RUNX1: variants seen among roughly 807,000 people sequenced by gnomAD.
The protein encoded by RUNX1 is RUNX family transcription factor 1.
A neutral mutation model predicts 42.8 loss-of-function variants in RUNX1; 19 were observed. That is an observed-to-expected ratio of 0.44 (90% CI 0.31 to 0.65). The LOEUF is 0.65. RUNX1 is among the 30% of genes least tolerant of loss of function. The pLI, the probability that RUNX1 is intolerant of heterozygous loss-of-function variation, is 0.07. For missense variants in RUNX1, 528 were observed against 672.0 expected, an observed-to-expected ratio of 0.79 and a Z score of 2.37; for synonymous variants, 271 against 289.4, an observed-to-expected ratio of 0.94 and a Z score of 0.64.
intron 2 of RUNX1, among the ~76,000 whole-genome samples, chr21:34,960,765 G>C (rs375280250): frequency 6.6e-6 from 1 of 152,158 alleles, no homozygotes; most frequent in East Asian, 1.9e-4. Flanking sequence ...TGTGACCGAT[G>C]AACAAACTCT....
At chr21:34,910,438 A>T (rs902712838) in intron 2 of RUNX1, among the ~76,000 whole-genome samples, 3 of 151,198 alleles carry the variant, frequency 2.0e-5, no homozygotes, top group African/African-American at 7.3e-5. Flanking sequence ...TAAGAAACAA[A>T]TGAACTGTCT....
chr21:34,930,723 A>T (rs532845689), intron 2 of RUNX1, among the ~76,000 whole-genome samples: 2,697 of 128,900 alleles, frequency 0.021, 74 homozygotes, highest in African/African-American at 0.098. Context: ...TCTCTCTCAC[A>T]CACACACACA....
At chr21:34,917,971 A>G (rs942211698) in intron 2 of RUNX1, among the ~76,000 whole-genome samples, 1 of 152,026 alleles carries the variant, frequency 6.6e-6, no homozygotes, top group African/African-American at 2.4e-5. Context: ...TCTACTAAAA[A>G]TACAAAAATT....
At position 35,049,129 on chromosome 21, in the gene RUNX1, A is replaced by AT. The variant is rs2059421508; in HGVS notation, c.-60+38_-60+39insA. 1.4e-5 allele frequency: 7 copies of AT among 508,922 alleles called. No homozygotes were observed. In the Admixed American group the frequency reaches 2.3e-4, roughly 17 times the overall value. The allele number at this position is 508,922 out of a possible 1,614,324, so 31.5% of individuals were successfully genotyped here. On this transcript the variant is annotated intron_variant, in intron 1 of 8. Coordinates refer to ENST00000675419, the MANE Select transcript of RUNX1 (RefSeq NM_001754.5). The stretch of plus-strand genomic sequence containing the variant: ...TTGTTAAAGATTAAAAAAAAAAAAA[A>AT]AGCCAGCGCCGCCTTGGCTGTGGGT...
rs1178952123 is a variant in RUNX1 at position 34,790,391 on chromosome 21, A to T, written c.*1744T>A. The T allele has an allele frequency of 1.3e-5, 3 of 233,616 alleles. No homozygotes were observed. The highest frequency in any genetic ancestry group is 2.5e-5 in the Non-Finnish European group (3 of 118,054). The allele number at this position is 233,616 out of a possible 1,614,324, so 14.5% of individuals were successfully genotyped here. On this transcript the variant is annotated 3_prime_UTR_variant, in exon 9 of 9. Transcript: ENST00000675419. ...CAAATACTCTTCAGAGTTGACCTGA[A>T]ATCGTTTCAACGAATTTTAAGAGGT...
chr21:34,808,480 G>A lies in RUNX1; in HGVS notation c.806-9018C>T, dbSNP rs1259405828. ...GAAGCTTTGTGGCTTTGTGGTCAGG[G>A]CCCTGTGAATCAAGAATGCTGGTTC... is the stretch of plus-strand genomic sequence containing the variant. On this transcript the variant is annotated intron_variant, in intron 7 of 8. Coordinates refer to ENST00000675419, the MANE Select transcript of RUNX1 (RefSeq NM_001754.5). 2.6e-5 allele frequency among the ~76,000 whole-genome samples: 4 copies of A among 152,132 alleles called. No homozygotes were observed. The East Asian group carries it at 5.8e-4, about 22-fold the overall frequency.
At chr21:34,961,578 C>A (rs1176528958) in intron 2 of RUNX1, among the ~76,000 whole-genome samples, 1 of 152,110 alleles carries the variant, frequency 6.6e-6, no homozygotes, top group Admixed American at 6.5e-5. Flanking sequence ...CTATCACTTT[C>A]TTTAACAATG....
chr21:34,849,156 C>T (rs549348559), intron 6 of RUNX1, among the ~76,000 whole-genome samples: 60 of 142,310 alleles, frequency 4.2e-4, no homozygotes, highest in Admixed American at 2.4e-3. Context: ...CAATGTACTG[C>T]CTTTAAATAA....
intron 2 of RUNX1, among the ~76,000 whole-genome samples, chr21:34,972,585 T>C (rs574117093): frequency 4.3e-4 from 65 of 152,366 alleles, no homozygotes; most frequent in African/African-American, 1.5e-3. Context: ...TGCTATTTGA[T>C]AGAATTCTGT....
intron 2 of RUNX1, among the ~76,000 whole-genome samples, chr21:34,998,743 G>T (rs1050869600): frequency 1.3e-5 from 2 of 152,010 alleles, no homozygotes; most frequent in East Asian, 1.9e-4. Context: ...GGGTTTCACC[G>T]AGTTAGCCAG....
chr21:34,821,675 C>T, intron 7 of RUNX1: 1 of 1,574,670 alleles, frequency 6.4e-7, no homozygotes, highest in Non-Finnish European at 8.6e-7. Flanking sequence ...GCCTTAACAT[C>T]TCCAGGGTGC....
chr21:34,889,215 C>CAGGGCGGGGGTGCGATT (rs1216620661), intron 3 of RUNX1, among the ~76,000 whole-genome samples: 1 of 151,786 alleles, frequency 6.6e-6, no homozygotes, highest in African/African-American at 2.4e-5. Context: ...CCTCCGCTTC[C>CAGGGCGGGGGTGCGATT]AGGGCGGGGG....
At chr21:34,834,623 G>A (rs1453368108) in intron 6 of RUNX1, 22 bp from the exon 7 acceptor site, 1 of 1,524,840 alleles carries the variant, frequency 6.6e-7, no homozygotes, top group Non-Finnish European at 9.1e-7. Context: ...AGCAGGGAGG[G>A]GAGGGGATGG....
chr21:34,789,314 A>AG lies in RUNX1; in HGVS notation c.*2820dup, dbSNP rs1306417530. 2 of 233,468 alleles carry AG rather than the reference A, an allele frequency of 8.6e-6. No homozygotes were observed. The highest frequency in any genetic ancestry group is 4.4e-5 in the African/African-American group (2 of 45,266). The allele number at this position is 233,468 out of a possible 1,614,324, so 14.5% of individuals were successfully genotyped here. On this transcript the variant is annotated 3_prime_UTR_variant, in exon 9 of 9. Coordinates refer to ENST00000675419, the MANE Select transcript of RUNX1 (RefSeq NM_001754.5). ...TGGGGTTTGGAAGATAGAGGAAGAG[A>AG]GAAAAAAAGGGAGATATTGGGGGGA...
intron 2 of RUNX1, among the ~76,000 whole-genome samples, chr21:34,968,764 A>G (rs193153035): frequency 7.9e-5 from 12 of 152,168 alleles, no homozygotes; most frequent in African/African-American, 1.4e-4. Flanking sequence ...GAAAACTTCT[A>G]TGATTCACCT....
Position 34,872,741 on chromosome 21 carries a change from T to C in RUNX1, c.508+7816A>G, listed in dbSNP as rs1208776987. ...AGCACAACTGACATTTGGGTCTTTG[T>C]TGGGGAGGCTGTCAGGTTCATGGTA... On this transcript the variant is annotated intron_variant, in intron 5 of 8. Transcript: ENST00000675419. Among the ~76,000 whole-genome samples, 4 of 152,136 alleles carry C rather than the reference T, an allele frequency of 2.6e-5. 1 individual carries two copies. Among genetic ancestry groups the C allele is most frequent in the South Asian group, 4.1e-4 (2 of 4,828 alleles).
chr21:35,002,839 C>T (rs2059056827), intron 2 of RUNX1, among the ~76,000 whole-genome samples: 1 of 152,116 alleles, frequency 6.6e-6, no homozygotes, highest in Non-Finnish European at 1.5e-5. Context: ...AGGCACATAG[C>T]AGGCATTCAA....
In RUNX1 at chr21:34,988,412, T is replaced by A. The variant is rs761067255; in HGVS notation, c.58+60430A>T. Among the ~76,000 whole-genome samples the A allele has an allele frequency of 1.1e-4, 16 of 152,160 alleles. 1 individual carries two copies. The highest frequency in any genetic ancestry group is 2.4e-4 in the Non-Finnish European group (16 of 68,004). ...CATGAGCCCAGAAGGACCAGGGCGG[T>A]GCAGATCCCAGGGAAGGGGATGGCA... On this transcript the variant is annotated intron_variant, in intron 2 of 8. Coordinates refer to ENST00000675419, the MANE Select transcript of RUNX1 (RefSeq NM_001754.5).
At chr21:34,990,482 T>C (rs2058928366) in intron 2 of RUNX1, among the ~76,000 whole-genome samples, 1 of 152,004 alleles carries the variant, frequency 6.6e-6, no homozygotes, top group South Asian at 2.1e-4. Flanking sequence ...GCCAGTGCAA[T>C]AGGCCTAGTC....
Sources: gnomAD v4.1 joint callset for allele counts (sites outside exome capture counted in the v4.1 genomes callset) on GRCh38, gnomAD v4.1.1 for gene constraint, MANE v1.5 for transcripts, NCBI Gene and HGNC (gene_info 2026-07-23, HGNC 2026-07-21) for gene names.